SYT1: variants seen among roughly 807,000 people sequenced by gnomAD.
SYT1 encodes the protein synaptotagmin-1.
SYT1 carries 8 observed loss-of-function variants against 44.8 expected under a neutral mutation model. The ratio of observed to expected loss-of-function variants is 0.18; its 90% CI spans 0.10 to 0.32. The LOEUF (loss-of-function observed/expected upper bound fraction) is 0.32. Among genes scored for constraint, SYT1 ranks in the 10% least tolerant of loss-of-function variants. SYT1 has a pLI of 1.00. For missense variants in SYT1, 286 were observed against 509.3 expected, an observed-to-expected ratio of 0.56 and a Z score of 4.22; for synonymous variants, 154 against 188.8, an observed-to-expected ratio of 0.82 and a Z score of 1.51.
chr12:78,909,908 C>CTT (rs1287558789), intron 1 of SYT1, among the ~76,000 whole-genome samples: 2 of 152,088 alleles, frequency 1.3e-5, no homozygotes, highest in Non-Finnish European at 2.9e-5. Context: ...TGTACTCTCT[C>CTT]TTTAAATAAT....
chr12:78,907,643 G>A (rs1238695541), intron 1 of SYT1, among the ~76,000 whole-genome samples: 1 of 151,970 alleles, frequency 6.6e-6, no homozygotes, highest in Admixed American at 6.6e-5. Context: ...ACTGATGAAA[G>A]TATCCGAAGA....
chr12:78,897,825 T>C (rs892109237), intron 1 of SYT1, among the ~76,000 whole-genome samples: 2 of 152,084 alleles, frequency 1.3e-5, no homozygotes, highest in Non-Finnish European at 2.9e-5. Context: ...GCCAAGCCTC[T>C]GATGCCTTTG....
intron 3 of SYT1, among the ~76,000 whole-genome samples, chr12:79,200,314 A>G (rs976164200): frequency 2.6e-5 from 4 of 152,130 alleles, no homozygotes; most frequent in Non-Finnish European, 4.4e-5. Context: ...TTGATAGTCT[A>G]ACAAATTGCC....
At chr12:79,365,630 C>T (rs1245474627) in intron 9 of SYT1, among the ~76,000 whole-genome samples, 2 of 151,980 alleles carry the variant, frequency 1.3e-5, no homozygotes, top group Admixed American at 1.3e-4. Context: ...GAGAAAGTCT[C>T]TATTTTATTA....
At chr12:78,978,353 G>T (rs1423136638) in intron 2 of SYT1, among the ~76,000 whole-genome samples, 1 of 152,156 alleles carries the variant, frequency 6.6e-6, no homozygotes, top group Non-Finnish European at 1.5e-5. Flanking sequence ...ATTTTAGCAC[G>T]AGTATTGGGT....
rs967468709 is a variant in SYT1, at chr12:79,359,150, G to A, written c.928+5531G>A. Among the ~76,000 whole-genome samples the A allele has an allele frequency of 5.9e-5, 9 of 152,240 alleles. No homozygotes were observed. The South Asian group carries it at 8.3e-4, about 14-fold the overall frequency. On this transcript the variant is annotated intron_variant, in intron 9 of 10. Transcript: ENST00000261205. ...GGGTAAAAAGTGTGCAGTTCTGCTC[G>A]TTTGATGTGGTTTGCATTCACCTAA... is the stretch of plus-strand genomic sequence containing the variant.
chr12:78,981,128 T>G (rs1335455411), intron 2 of SYT1, among the ~76,000 whole-genome samples: 1 of 147,832 alleles, frequency 6.8e-6, no homozygotes, highest in Non-Finnish European at 1.5e-5. Flanking sequence ...TTTCTTTGTT[T>G]TTTTTTTTTT....
chr12:79,383,656 T>A (rs1031872554), intron 9 of SYT1, among the ~76,000 whole-genome samples: 1 of 152,190 alleles, frequency 6.6e-6, no homozygotes, highest in African/African-American at 2.4e-5. Context: ...AGATCAGAAT[T>A]TAATTAGATT....
At chr12:79,244,210 C>G (rs926990844) in intron 4 of SYT1, among the ~76,000 whole-genome samples, 1 of 152,128 alleles carries the variant, frequency 6.6e-6, no homozygotes, top group Non-Finnish European at 1.5e-5. Context: ...TTAATTAATA[C>G]CTTCATCACT....
intron 1 of SYT1, among the ~76,000 whole-genome samples, chr12:78,889,125 C>A (rs1179966846): frequency 6.6e-6 from 1 of 151,780 alleles, no homozygotes; most frequent in Admixed American, 6.6e-5. Context: ...AATGCATTGA[C>A]AAACATGTAT....
chr12:79,043,149 G>T (rs1873723582), intron 2 of SYT1, among the ~76,000 whole-genome samples: 1 of 150,830 alleles, frequency 6.6e-6, no homozygotes. Context: ...GGTCCGCTTG[G>T]TGCAGAGCTG....
chr12:79,290,168 C>G (rs1879509826), intron 5 of SYT1, among the ~76,000 whole-genome samples: 1 of 152,068 alleles, frequency 6.6e-6, no homozygotes, highest in African/African-American at 2.4e-5. Context: ...CTGAAGGCTC[C>G]TAAGAAATTT....
chr12:78,885,750 A>G (rs902090598), intron 1 of SYT1, among the ~76,000 whole-genome samples: 3 of 151,900 alleles, frequency 2.0e-5, no homozygotes, highest in Admixed American at 2.0e-4. Flanking sequence ...TTTTATTTGG[A>G]ATGAGAGGTG....
chr12:78,921,247 C>T (rs556644517), intron 1 of SYT1, among the ~76,000 whole-genome samples: 101 of 151,898 alleles, frequency 6.6e-4, no homozygotes, highest in African/African-American at 1.7e-3. Flanking sequence ...TCAAATACAA[C>T]GGATTTTAAA....
intron 4 of SYT1, among the ~76,000 whole-genome samples, chr12:79,257,413 A>G (rs1877581433): frequency 6.6e-6 from 1 of 152,238 alleles, no homozygotes; most frequent in African/African-American, 2.4e-5. Flanking sequence ...GGTGCAGAAC[A>G]AAAAGAAGCC....
intron 2 of SYT1, among the ~76,000 whole-genome samples, chr12:79,038,054 GC>G (rs1873255929): frequency 1.3e-5 from 2 of 151,490 alleles, no homozygotes; most frequent in Admixed American, 1.3e-4. Flanking sequence ...CTCACAAAAA[GC>G]TGCAGGGATA....
intron 4 of SYT1, among the ~76,000 whole-genome samples, chr12:79,283,322 A>C (rs1879143575): frequency 6.6e-6 from 1 of 152,184 alleles, no homozygotes; most frequent in South Asian, 2.1e-4. Context: ...AATAAAAGTC[A>C]TAAAACAAAA....
At chr12:79,217,743 A>T in intron 4 of SYT1, 58 bp downstream of exon 4, 1 of 1,473,858 alleles carries the variant, frequency 6.8e-7, no homozygotes, top group South Asian at 1.4e-5. Flanking sequence ...TACCCCATCC[A>T]TTGGAAAGAA....
At chr12:79,081,121 G>T (rs1438760395) in intron 3 of SYT1, among the ~76,000 whole-genome samples, 1 of 152,146 alleles carries the variant, frequency 6.6e-6, no homozygotes, top group Non-Finnish European at 1.5e-5. Context: ...TAAAAAGACA[G>T]AGATCTTGGA....
Sources: gnomAD v4.1 joint callset for allele counts (sites outside exome capture counted in the v4.1 genomes callset) on GRCh38, gnomAD v4.1.1 for gene constraint, MANE v1.5 for transcripts, NCBI Gene and HGNC (gene_info 2026-07-23, HGNC 2026-07-21) for gene names.